C14orf132: variants seen among roughly 807,000 people sequenced by gnomAD.
C14orf132 encodes the protein chromosome 14 open reading frame 132, also known as uncharacterized protein C14orf132.
C14orf132 carries 6 observed loss-of-function variants against 5.8 expected under a neutral mutation model. That is an observed-to-expected ratio of 1.03 (90% CI 0.57 to 2.04). C14orf132 has a LOEUF of 2.04. Among genes scored for constraint, C14orf132 ranks in the 30% most tolerant of loss-of-function variants. The pLI, the probability that C14orf132 is intolerant of heterozygous loss-of-function variation, is 0.00. For synonymous variants in C14orf132, 51 were observed against 49.8 expected, an observed-to-expected ratio of 1.02 and a Z score of -0.10; for missense variants, 125 against 115.8, an observed-to-expected ratio of 1.08 and a Z score of -0.37.
Position 96,086,286 on chromosome 14 carries a change from A to G in C14orf132, c.28-225A>G, listed in dbSNP as rs138681069. On this transcript the variant is annotated intron_variant, in intron 1 of 1. Transcript: ENST00000555004. The stretch of plus-strand genomic sequence containing the variant: ...GTTGGGTGAGTTCCTTGATGCTTTC[A>G]TAGTAGCGTGGGCATGAGAATGTCT... 1.5e-3 allele frequency among the ~76,000 whole-genome samples: 232 copies of G among 152,252 alleles called. 1 individual carries two copies. Among genetic ancestry groups the G allele is most frequent in the African/African-American group, 5.2e-3 (214 of 41,524 alleles).
chr14:96,045,528 T>C (rs1046674506), intron 1 of C14orf132, among the ~76,000 whole-genome samples: 3 of 152,272 alleles, frequency 2.0e-5, no homozygotes, highest in African/African-American at 7.2e-5. Flanking sequence ...GAGTGGGGGC[T>C]GTGATGCCCT....
intron 1 of C14orf132, among the ~76,000 whole-genome samples, chr14:96,079,995 T>C (rs1887983381): frequency 6.6e-6 from 1 of 152,240 alleles, no homozygotes; most frequent in Non-Finnish European, 1.5e-5. Context: ...CTTATGCTAA[T>C]ATGTGGGATA....
At chr14:96,052,858 A>G (rs1411886889) in intron 1 of C14orf132, among the ~76,000 whole-genome samples, 1 of 152,156 alleles carries the variant, frequency 6.6e-6, no homozygotes, top group Non-Finnish European at 1.5e-5. Flanking sequence ...GGGATGACTC[A>G]GTTGACTCAG....
chr14:96,059,671 C>T (rs1052233961), intron 1 of C14orf132, among the ~76,000 whole-genome samples: 6 of 152,128 alleles, frequency 3.9e-5, no homozygotes, highest in African/African-American at 1.4e-4. Flanking sequence ...ATTTCTTGAC[C>T]CAGTAACATC....
At chr14:96,084,290 A>G (rs572604698) in intron 1 of C14orf132, among the ~76,000 whole-genome samples, 1 of 152,138 alleles carries the variant, frequency 6.6e-6, no homozygotes, top group Admixed American at 6.5e-5. Flanking sequence ...TCGCGGGGGG[A>G]TGTGGGGGCA....
At chr14:96,084,327 G>A (rs751249899) in intron 1 of C14orf132, among the ~76,000 whole-genome samples, 1 of 138,132 alleles carries the variant, frequency 7.2e-6, no homozygotes, top group Non-Finnish European at 1.6e-5. Context: ...CCCCCGTCAT[G>A]CCCAAGAGGA....
intron 1 of C14orf132, among the ~76,000 whole-genome samples, chr14:96,076,868 A>G (rs1293697300): frequency 6.6e-6 from 1 of 152,174 alleles, no homozygotes; most frequent in African/African-American, 2.4e-5. Flanking sequence ...AGTTCAGAAT[A>G]TTTGCTAGTT....
At position 96,091,183 on chromosome 14, in the gene C14orf132, C is replaced by T; in HGVS notation, c.*4448C>T. ...TAGAGGCACCCTGCATCATGCCCAC[C>T]AGGGTGATCCCCCTGGGATGGACCA... On this transcript the variant is annotated 3_prime_UTR_variant, in exon 2 of 2. Transcript: ENST00000555004. 2.7e-6 allele frequency: 1 copy of T among 376,022 alleles called. No homozygotes were observed. The highest frequency in any genetic ancestry group is 5.2e-6 in the Non-Finnish European group (1 of 190,960). The allele number at this position is 376,022 out of a possible 1,614,324, so 23.3% of individuals were successfully genotyped here. A position where few individuals can be genotyped will look rare whatever the true frequency, so the allele number is the denominator to read the frequency against.
chr14:96,066,301 T>C (rs1385368521), intron 1 of C14orf132, among the ~76,000 whole-genome samples: 1 of 152,192 alleles, frequency 6.6e-6, no homozygotes, highest in Non-Finnish European at 1.5e-5. Context: ...GGCAAGTGCT[T>C]CTTCCATTAT....
chr14:96,082,118 G>T (rs1009986907), intron 1 of C14orf132, among the ~76,000 whole-genome samples: 16 of 152,084 alleles, frequency 1.1e-4, no homozygotes, highest in African/African-American at 3.9e-4. Flanking sequence ...TTAGGCTCAC[G>T]CCCCCAAATC....
chr14:96,074,398 AT>A (rs1467469111), intron 1 of C14orf132, among the ~76,000 whole-genome samples: 1 of 152,162 alleles, frequency 6.6e-6, no homozygotes, highest in Non-Finnish European at 1.5e-5. Context: ...GTTTTCTTGT[AT>A]GGATTATGCT....
chr14:96,072,165 A>G (rs1231764611), intron 1 of C14orf132, among the ~76,000 whole-genome samples: 1 of 152,246 alleles, frequency 6.6e-6, no homozygotes, highest in Admixed American at 6.5e-5. Flanking sequence ...GCACTTCCTC[A>G]GGAGAGTTGT....
At chr14:96,064,462 GTATATA>G (rs141735512) in intron 1 of C14orf132, among the ~76,000 whole-genome samples, 1 of 147,426 alleles carries the variant, frequency 6.8e-6, no homozygotes, top group Non-Finnish European at 1.5e-5. Flanking sequence ...GTATATGTAT[GTATATA>G]TATATATGAT....
chr14:96,059,641 G>A lies in C14orf132; in HGVS notation c.27+20114G>A, dbSNP rs550563283. 2.0e-5 allele frequency among the ~76,000 whole-genome samples: 3 copies of A among 152,304 alleles called. No individual in the cohort carries two copies. In the East Asian group the frequency reaches 5.8e-4, roughly 29 times the overall value. On this transcript the variant is annotated intron_variant, in intron 1 of 1. Transcript: ENST00000555004. ...AACCTGGCAGTAGTGTCTGCTGGGG[G>A]GGCCCTAGCTGGGTTGGGTATTTCT...
chr14:96,043,672 G>A lies in C14orf132; in HGVS notation c.27+4145G>A, dbSNP rs76886462. Reference sequence around the variant, plus strand: ...AGCTGATCCCAGTGGTCAATGAAGGGTGAGACTCAGAGTGTAAGCCCACCC... The same window carrying A: ...AGCTGATCCCAGTGGTCAATGAAGGATGAGACTCAGAGTGTAAGCCCACCC... On this transcript the variant is annotated intron_variant, in intron 1 of 1. Transcript: ENST00000555004. Among the ~76,000 whole-genome samples the A allele has an allele frequency of 4.9e-3, 740 of 152,266 alleles. 2 individuals are homozygous for A. Among genetic ancestry groups the A allele is most frequent in the Non-Finnish European group, 7.4e-3 (506 of 68,028 alleles).
chr14:96,084,002 C>T (rs1215817419), intron 1 of C14orf132, among the ~76,000 whole-genome samples: 1 of 152,166 alleles, frequency 6.6e-6, no homozygotes, highest in Non-Finnish European at 1.5e-5. Flanking sequence ...TTGGCGGGAG[C>T]CCTACAAAAG....
Position 96,039,450 on chromosome 14 carries a change from C to A in C14orf132, c.-51C>A. 4.7e-6 allele frequency: 7 copies of A among 1,476,994 alleles called. No homozygotes were observed. The highest frequency in any genetic ancestry group is 6.3e-6 in the Non-Finnish European group (7 of 1,113,954). The allele number at this position is 1,476,994 out of a possible 1,614,324, so 91.5% of individuals were successfully genotyped here. The stretch of plus-strand genomic sequence containing the variant: ...CCGCCAACTGTGCAGGCGGCTGACC[C>A]GCAGCGGCAGCGGCAGCAGCGAGGA... On this transcript the variant is annotated 5_prime_UTR_variant, in exon 1 of 2. Coordinates refer to ENST00000555004, the MANE Select transcript of C14orf132 (RefSeq NM_001252507.3). This position sits in a 1 kb window ranked among gnomAD's most constrained non-coding sequence, Gnocchi z 5.3.
At chr14:96,045,098 A>G (rs1886796626) in intron 1 of C14orf132, among the ~76,000 whole-genome samples, 1 of 152,092 alleles carries the variant, frequency 6.6e-6, no homozygotes, top group African/African-American at 2.4e-5. Flanking sequence ...TGGGGACAAA[A>G]CTGTGTCCTC....
chr14:96,054,270 C>T (rs1328726288), intron 1 of C14orf132, among the ~76,000 whole-genome samples: 2 of 152,214 alleles, frequency 1.3e-5, no homozygotes, highest in Non-Finnish European at 2.9e-5. Flanking sequence ...TCTCCCTGGG[C>T]TACAGCATGG....
Sources: allele counts gnomAD v4.1 joint callset (sites outside exome capture counted in the v4.1 genomes callset), GRCh38; gene constraint gnomAD v4.1.1; non-coding constraint Gnocchi (gnomAD v3.1); transcripts MANE v1.5; gene names NCBI Gene and HGNC (gene_info 2026-07-23, HGNC 2026-07-21).